The following KIF18A variants were observed in gnomAD, a reference collection of about 807,000 sequenced individuals.
KIF18A encodes kinesin family member 18A.
Under a neutral mutation model 103.3 loss-of-function variants are expected in KIF18A, and 67 were observed. That is an observed-to-expected ratio of 0.65 (90% CI 0.53 to 0.79). The LOEUF is 0.79. Ranked by LOEUF, KIF18A falls within the 30% of genes least tolerant of loss-of-function variation. The pLI is 0.00. For synonymous variants in KIF18A, 367 were observed against 355.5 expected (o/e 1.03, Z -0.36); for missense variants, 1,032 against 1,062.5 (o/e 0.97, Z 0.40).
At chr11:28,036,133 C>T (rs973171617) in intron 14 of KIF18A, 84 bp downstream of exon 14, 4 of 801,000 alleles carry the variant, frequency 5.0e-6, no homozygotes, top group Admixed American at 5.9e-5. Context: ...CAAAATGGCA[C>T]ACTTGGTTTA....
intron 16 of KIF18A, among the ~76,000 whole-genome samples, chr11:28,021,878 A>G (rs534367211): frequency 6.6e-6 from 1 of 152,216 alleles, no homozygotes; most frequent in African/African-American, 2.4e-5. Context: ...TTTTTTCAGG[A>G]TTAGTTTAAT....
In KIF18A at chr11:28,055,733, TTAATATCA is replaced by T. The variant is rs369213779; in HGVS notation, c.1948+3185_1948+3192del. 5.3e-5 allele frequency among the ~76,000 whole-genome samples: 8 copies of T among 152,290 alleles called. No individual in the cohort carries two copies. In the East Asian group the frequency reaches 1.5e-3, roughly 29 times the overall value. On this transcript the variant is annotated intron_variant, in intron 13 of 16. Coordinates refer to ENST00000263181, the MANE Select transcript of KIF18A (RefSeq NM_031217.4). ...GAACTGTAAATATTCTCTGAGATAT[TTAATATCA>T]TGATCAGATGCATCAAAATATTCTG...
intron 9 of KIF18A, among the ~76,000 whole-genome samples, chr11:28,078,334 G>A (rs895298725): frequency 5.3e-5 from 8 of 152,012 alleles, no homozygotes; most frequent in Non-Finnish European, 8.8e-5. Context: ...TTACACCAAC[G>A]GTAATGCCAG....
At chr11:28,037,116 G>A (rs750945083) in intron 13 of KIF18A, among the ~76,000 whole-genome samples, 6 of 151,406 alleles carry the variant, frequency 4.0e-5, no homozygotes, top group East Asian at 1.9e-4. Context: ...TTAGATTTGC[G>A]GGTACACGTA....
At position 28,090,765 on chromosome 11, in the gene KIF18A, G is replaced by C. The variant is rs771469645; in HGVS notation, c.589-38C>G. The stretch of plus-strand genomic sequence containing the variant: ...AAGTAGAAGCAAAATTTAAAAATCA[G>C]CAATATATCTTTAAATTTTTCAATA... On this transcript the variant is annotated intron_variant, in intron 4 of 16. Coordinates refer to ENST00000263181, the MANE Select transcript of KIF18A (RefSeq NM_031217.4). The C allele has an allele frequency of 1.9e-4, 170 of 910,228 alleles. 2 individuals carry two copies. The South Asian group carries it at 2.4e-3, about 13-fold the overall frequency. The allele number at this position is 910,228 out of a possible 1,614,324, so 56.4% of individuals were successfully genotyped here. A position where few individuals can be genotyped will look rare whatever the true frequency, so the allele number is the denominator to read the frequency against.
At chr11:28,037,123 C>T (rs966596400) in intron 13 of KIF18A, among the ~76,000 whole-genome samples, 11 of 151,424 alleles carry the variant, frequency 7.3e-5, no homozygotes, top group Admixed American at 1.3e-4. Context: ...TGCGGGTACA[C>T]GTACAGGTTT....
chr11:28,028,699 A>G (rs1850353527), intron 15 of KIF18A, among the ~76,000 whole-genome samples: 1 of 152,156 alleles, frequency 6.6e-6, no homozygotes, highest in Non-Finnish European at 1.5e-5. Flanking sequence ...TGAAGGAGAT[A>G]GAGACGCAAA....
intron 1 of KIF18A, among the ~76,000 whole-genome samples, chr11:28,100,561 A>AT (rs1554975127): frequency 2.2e-5 from 3 of 135,430 alleles, no homozygotes; most frequent in African/African-American, 8.3e-5. Context: ...GTGTGAGTGA[A>AT]GGGGGGGGGT....
At chr11:28,032,106 G>GAAA (rs34227456) in intron 15 of KIF18A, among the ~76,000 whole-genome samples, 23 of 149,138 alleles carry the variant, frequency 1.5e-4, no homozygotes, top group East Asian at 3.9e-4. Flanking sequence ...GAAATAATTT[G>GAAA]AAAAAAAAAG....
At chr11:28,050,076 T>G (rs1421133010) in intron 13 of KIF18A, among the ~76,000 whole-genome samples, 2 of 151,866 alleles carry the variant, frequency 1.3e-5, no homozygotes, top group African/African-American at 4.8e-5. Flanking sequence ...GTCCTTTAAA[T>G]TAATCCAGCA....
chr11:28,039,677 A>G (rs1465696698), intron 13 of KIF18A, among the ~76,000 whole-genome samples: 4 of 151,700 alleles, frequency 2.6e-5, no homozygotes, highest in Non-Finnish European at 5.9e-5. Flanking sequence ...CAAATTTAGT[A>G]TGATCAGACT....
chr11:28,053,324 T>C (rs889917938), intron 13 of KIF18A, among the ~76,000 whole-genome samples: 58 of 152,022 alleles, frequency 3.8e-4, no homozygotes, highest in African/African-American at 1.3e-3. Context: ...TTATTAACAC[T>C]GAAATTTGAA....
rs774687614 is a variant in KIF18A at position 28,059,088 on chromosome 11, C to A, written c.1786G>T (p.Ala596Ser). 1.1e-5 allele frequency: 18 copies of A among 1,613,882 alleles called. No homozygotes were observed. Among genetic ancestry groups the A allele is most frequent in the Non-Finnish European group, 5.1e-6 (6 of 1,179,964 alleles). The change falls in exon 13 of 17, where the codon GCT becomes TCT. Residue 596 changes from alanine to serine, a missense_variant. Transcript: ENST00000263181. ...TLKEAGLSNA[A>S]FESDFKEIEH... ...ATCTCTTTGAAGTCAGATTCAAAAG[C>A]AGCATTTGACAGGCCGGCTTCTTTT...
chr11:28,089,213 T>C (rs959581199), intron 5 of KIF18A, among the ~76,000 whole-genome samples: 4 of 152,150 alleles, frequency 2.6e-5, no homozygotes, highest in African/African-American at 7.2e-5. Flanking sequence ...TAAAATATCA[T>C]ATATAAAAAA....
rs964223646 is a variant in KIF18A at position 28,028,393 on chromosome 11, T to C, written c.2505-4543A>G. 4.6e-5 allele frequency among the ~76,000 whole-genome samples: 7 copies of C among 152,044 alleles called. 1 individual carries two copies. The highest frequency in any genetic ancestry group is 1.4e-4 in the African/African-American group (6 of 41,400). ...AGACACTCACTCAAAACCACTCAAC[T>C]ACATGGAAACTGAACAACCTGCTCC... On this transcript the variant is annotated intron_variant, in intron 15 of 16. Transcript: ENST00000263181.
chr11:28,032,373 A>C (rs1383764666), intron 15 of KIF18A, among the ~76,000 whole-genome samples: 1 of 151,914 alleles, frequency 6.6e-6, no homozygotes, highest in Non-Finnish European at 1.5e-5. Flanking sequence ...ACAATCCTAA[A>C]ATTTATATGG....
intron 2 of KIF18A, among the ~76,000 whole-genome samples, chr11:28,096,735 A>C (rs1188891569): frequency 6.6e-6 from 1 of 152,206 alleles, no homozygotes; most frequent in Non-Finnish European, 1.5e-5. Flanking sequence ...AAAGACAGTG[A>C]AACATGTTAT....
intron 13 of KIF18A, among the ~76,000 whole-genome samples, chr11:28,047,042 A>T (rs1436951845): frequency 6.8e-6 from 1 of 146,868 alleles, no homozygotes; most frequent in African/African-American, 2.5e-5. Context: ...CAACAAGAGC[A>T]ACACTTCGTC....
At chr11:28,099,969 G>C (rs1415167423) in intron 1 of KIF18A, among the ~76,000 whole-genome samples, 1 of 152,104 alleles carries the variant, frequency 6.6e-6, no homozygotes, top group Admixed American at 6.6e-5. Context: ...CTCAGAATAG[G>C]GTAGTGGCAG....
Sources: allele counts gnomAD v4.1 joint callset (sites outside exome capture counted in the v4.1 genomes callset), GRCh38; gene constraint gnomAD v4.1.1; transcripts MANE v1.5; gene names NCBI Gene and HGNC (gene_info 2026-07-23, HGNC 2026-07-21).